Variants in WSCD2 observed in about 807,000 individuals in gnomAD.
WSCD2 encodes the protein sialate:O-sulfotransferase 2.
A neutral mutation model predicts 55.7 loss-of-function variants in WSCD2; 28 were observed. The observed-to-expected ratio is 0.50, with a 90% CI of 0.37 to 0.69. The LOEUF (loss-of-function observed/expected upper bound fraction) is 0.69. Among genes scored for constraint, WSCD2 ranks in the 30% least tolerant of loss-of-function variants. The pLI is 0.00. For synonymous variants in WSCD2, 301 were observed against 301.9 expected (o/e 1.00, Z 0.03); for missense variants, 616 against 762.1 (o/e 0.81, Z 2.26).
intron 2 of WSCD2, chr12:108,196,982 A>G (rs1884006885): frequency 6.6e-6 from 1 of 152,254 alleles, no homozygotes; most frequent in Admixed American, 6.5e-5. Context: ...CAGCAGCAGG[A>G]ACGGAGTTTA....
intron 7 of WSCD2, among the ~76,000 whole-genome samples, chr12:108,236,714 C>T (rs1267669827): frequency 6.6e-6 from 1 of 152,100 alleles, no homozygotes; most frequent in Non-Finnish European, 1.5e-5. Flanking sequence ...ATCTCCCCTT[C>T]TCTGTTTCTG....
intron 8 of WSCD2, among the ~76,000 whole-genome samples, chr12:108,247,295 A>G (rs1339276607): frequency 6.6e-6 from 1 of 150,536 alleles, no homozygotes; most frequent in Non-Finnish European, 1.5e-5. Context: ...TATATTTATT[A>G]ATATATAAGT....
intron 1 of WSCD2, among the ~76,000 whole-genome samples, chr12:108,193,934 C>T (rs1305605412): frequency 6.6e-6 from 1 of 152,130 alleles, no homozygotes; most frequent in Non-Finnish European, 1.5e-5. Context: ...AGTTAAATGC[C>T]CACACTACTG....
At chr12:108,180,255 T>C (rs1881541630) in intron 1 of WSCD2, among the ~76,000 whole-genome samples, 1 of 152,150 alleles carries the variant, frequency 6.6e-6, no homozygotes, top group African/African-American at 2.4e-5. Flanking sequence ...GCACCTGACA[T>C]ACAATAGGTA....
At chr12:108,232,205 T>C (rs1401334036) in intron 6 of WSCD2, among the ~76,000 whole-genome samples, 2 of 152,276 alleles carry the variant, frequency 1.3e-5, no homozygotes, top group East Asian at 3.9e-4. Context: ...TCAAAAGGCA[T>C]AGATATTATT....
intron 4 of WSCD2, among the ~76,000 whole-genome samples, chr12:108,219,770 CCCAAA>C (rs1360464616): frequency 6.6e-6 from 1 of 152,186 alleles, no homozygotes; most frequent in East Asian, 1.9e-4. Context: ...CCAGGACAAC[CCCAAA>C]GGGGCCTCCG....
chr12:108,191,970 C>T (rs534733923), intron 1 of WSCD2, among the ~76,000 whole-genome samples: 1 of 152,282 alleles, frequency 6.6e-6, no homozygotes, highest in Non-Finnish European at 1.5e-5. Context: ...TCTTAAAGCC[C>T]CTTTCGCACC....
intron 1 of WSCD2, among the ~76,000 whole-genome samples, chr12:108,163,381 A>C (rs1879261307): frequency 6.6e-6 from 1 of 152,040 alleles, no homozygotes; most frequent in Admixed American, 6.5e-5. Context: ...AAAAAATAAA[A>C]ATTAAAATTA....
chr12:108,209,982 T>C, intron 3 of WSCD2, 139 bp from the exon 4 acceptor site: 2 of 1,195,076 alleles, frequency 1.7e-6, no homozygotes, highest in Admixed American at 2.3e-5. Context: ...TGCCCCAACC[T>C]CCCATCAGCA....
Position 108,226,971 on chromosome 12 carries a change from T to C in WSCD2, c.805-19T>C, listed in dbSNP as rs756491541. 1 of 1,606,990 alleles carries C rather than the reference T, an allele frequency of 6.2e-7. No homozygotes were observed. Among genetic ancestry groups the C allele is most frequent in the South Asian group, 1.1e-5 (1 of 90,216 alleles). On this transcript the variant is annotated intron_variant, in intron 5 of 8. Transcript: ENST00000547525. ...GATTTAGCAACTCTCTTCCTCTTCT[T>C]CTCCCACTCCATCCCCAGGAGTACC...
At chr12:108,208,131 C>T (rs550901937) in intron 3 of WSCD2, among the ~76,000 whole-genome samples, 53 of 152,202 alleles carry the variant, frequency 3.5e-4, no homozygotes, top group Non-Finnish European at 6.9e-4. Context: ...GACCTGATTC[C>T]AGGTGCTGGA....
intron 1 of WSCD2, among the ~76,000 whole-genome samples, chr12:108,151,758 G>A (rs1034524316): frequency 6.6e-6 from 1 of 152,206 alleles, no homozygotes; most frequent in African/African-American, 2.4e-5. Flanking sequence ...ACCTGATCTA[G>A]TTCCCTCTCT....
intron 1 of WSCD2, among the ~76,000 whole-genome samples, chr12:108,143,726 A>C (rs1398444595): frequency 6.6e-6 from 1 of 152,220 alleles, no homozygotes; most frequent in Non-Finnish European, 1.5e-5. Context: ...CACATCCTGA[A>C]GACTCAACCT....
chr12:108,245,488 G>C (rs1224764913), intron 8 of WSCD2, among the ~76,000 whole-genome samples: 4 of 152,186 alleles, frequency 2.6e-5, no homozygotes, highest in East Asian at 1.9e-4. Flanking sequence ...CTGCATCTAA[G>C]ACTGGGATAC....
intron 1 of WSCD2, among the ~76,000 whole-genome samples, chr12:108,194,069 G>T (rs557461747): frequency 6.6e-6 from 1 of 152,216 alleles, no homozygotes; most frequent in East Asian, 1.9e-4. Context: ...TGGCTAAATG[G>T]GGTTTTCTGT....
intron 1 of WSCD2, among the ~76,000 whole-genome samples, chr12:108,160,021 G>A (rs531414596): frequency 2.0e-5 from 3 of 152,324 alleles, no homozygotes; most frequent in South Asian, 2.1e-4. Flanking sequence ...ATGATAGCAC[G>A]AGAGCCATGT....
chr12:108,178,160 C>T (rs972598094), intron 1 of WSCD2, among the ~76,000 whole-genome samples: 8 of 152,042 alleles, frequency 5.3e-5, no homozygotes, highest in Non-Finnish European at 8.8e-5. Context: ...TTGGTTCCTC[C>T]GAGGTGTGTG....
At chr12:108,206,113 T>A (rs1171073235) in intron 2 of WSCD2, among the ~76,000 whole-genome samples, 176 bp from the exon 3 acceptor site, 1 of 152,166 alleles carries the variant, frequency 6.6e-6, no homozygotes, top group Non-Finnish European at 1.5e-5. Flanking sequence ...GCTGCCCTGA[T>A]TAGACCAGGT....
chr12:108,133,611 C>A (rs1875853617), intron 1 of WSCD2, among the ~76,000 whole-genome samples: 1 of 152,214 alleles, frequency 6.6e-6, no homozygotes, highest in African/African-American at 2.4e-5. Flanking sequence ...CAGGACTGAA[C>A]TGTGCTTGTG....
Sources: allele counts gnomAD v4.1 joint callset (sites outside exome capture counted in the v4.1 genomes callset), GRCh38; gene constraint gnomAD v4.1.1; transcripts MANE v1.5; gene names NCBI Gene and HGNC (gene_info 2026-07-23, HGNC 2026-07-21).